Variants in MCM8 observed in about 807,000 individuals in gnomAD.
MCM8 encodes the protein minichromosome maintenance 8 homologous recombination repair factor, also known as DNA helicase MCM8.
In MCM8, 85 loss-of-function variants were observed where a neutral mutation model predicts 98.9. That is an observed-to-expected ratio of 0.86 (90% CI 0.72 to 1.03). MCM8 has a LOEUF of 1.03. Among genes scored for constraint, MCM8 ranks in the 50% least tolerant of loss-of-function variants. The pLI, the probability that MCM8 is intolerant of heterozygous loss-of-function variation, is 0.00. For synonymous variants in MCM8, 352 were observed against 338.6 expected, an observed-to-expected ratio of 1.04 and a Z score of -0.44; for missense variants, 951 against 997.8, an observed-to-expected ratio of 0.95 and a Z score of 0.63.
At position 5,995,316 on chromosome 20, in the gene MCM8, T is replaced by C. The variant is rs2089941260; in HGVS notation, c.*925T>C. On this transcript the variant is annotated 3_prime_UTR_variant, in exon 19 of 19. Coordinates refer to ENST00000610722, the MANE Select transcript of MCM8 (RefSeq NM_032485.6). ...GAGAAGTTTTTTGAAAGAATTTTGT[T>C]TGGCTCACGGAATTATTAGAAGGCA... The C allele has an allele frequency of 6.6e-6, 1 of 152,268 alleles. No homozygotes were observed. The highest frequency in any genetic ancestry group is 1.5e-5 in the Non-Finnish European group (1 of 68,066). 9.4% of individuals were successfully genotyped at this position (152,268 alleles called of 1,614,324 possible). A position where few individuals can be genotyped will look rare whatever the true frequency, so the allele number is the denominator to read the frequency against.
intron 12 of MCM8, among the ~76,000 whole-genome samples, 175 bp downstream of exon 12, chr20:5,973,371 A>G (rs1279897129): frequency 6.6e-6 from 1 of 152,246 alleles, no homozygotes; most frequent in Non-Finnish European, 1.5e-5. Flanking sequence ...ATATTTTTAA[A>G]TTGAGCCAGT....
chr20:5,951,553 A>G (rs1300890873), intron 1 of MCM8, among the ~76,000 whole-genome samples: 2 of 152,222 alleles, frequency 1.3e-5, no homozygotes, highest in Non-Finnish European at 2.9e-5. Context: ...AATGGATGTG[A>G]CACTGCAGGA....
At chr20:5,983,923 A>T (rs1387469091) in intron 14 of MCM8, among the ~76,000 whole-genome samples, 2 of 152,216 alleles carry the variant, frequency 1.3e-5, no homozygotes, top group African/African-American at 4.8e-5. Context: ...CCTTAAAACT[A>T]TAATAAGACT....
intron 3 of MCM8, among the ~76,000 whole-genome samples, 165 bp from the exon 4 acceptor site, chr20:5,954,443 G>A (rs16991587): frequency 0.024 from 3,669 of 152,228 alleles, 127 homozygotes; most frequent in African/African-American, 0.077. Context: ...ATTTGTTTTA[G>A]AATCTTAAGT....
Position 5,950,682 on chromosome 20 carries a change from C to T in MCM8, c.-347C>T, listed in dbSNP as rs1480531062. 2 of 367,736 alleles carry T rather than the reference C, an allele frequency of 5.4e-6. No individual in the cohort carries two copies. The highest frequency in any genetic ancestry group is 9.9e-6 in the Non-Finnish European group (2 of 202,372). 22.8% of individuals were successfully genotyped at this position (367,736 alleles called of 1,614,324 possible). ...AGCGGAAGTTGGATCACTGAAGCGC[C>T]AAAAAAGAATTTAGGGGAAGACCTG... On this transcript the variant is annotated 5_prime_UTR_variant, in exon 1 of 19. Coordinates refer to ENST00000610722, the MANE Select transcript of MCM8 (RefSeq NM_032485.6).
At chr20:5,960,460 A>T (rs1041568234) in intron 7 of MCM8, among the ~76,000 whole-genome samples, 3 of 151,948 alleles carry the variant, frequency 2.0e-5, no homozygotes, top group Non-Finnish European at 4.4e-5. Context: ...TAGTTTATTG[A>T]TAGGAGTTCT....
Position 5,995,065 on chromosome 20 carries a change from G to A in MCM8, c.*674G>A, listed in dbSNP as rs2089937852. On this transcript the variant is annotated 3_prime_UTR_variant, in exon 19 of 19. Transcript: ENST00000610722. ...TATTTCATAGTTTTGCATATCAGAT[G>A]TAGGCATACAGACAAATACATAAAC... is the stretch of plus-strand genomic sequence containing the variant. The A allele has an allele frequency of 6.2e-6, 1 of 160,430 alleles. No individual in the cohort carries two copies. 9.9% of individuals were successfully genotyped at this position (160,430 alleles called of 1,614,324 possible). A position where few individuals can be genotyped will look rare whatever the true frequency, so the allele number is the denominator to read the frequency against.
At chr20:5,962,159 A>G (rs1248191788) in intron 7 of MCM8, among the ~76,000 whole-genome samples, 1 of 152,132 alleles carries the variant, frequency 6.6e-6, no homozygotes, top group Non-Finnish European at 1.5e-5. Context: ...ACAGTATAGC[A>G]GCTCAGGCAC....
intron 12 of MCM8, among the ~76,000 whole-genome samples, chr20:5,975,161 C>T (rs1188814134): frequency 6.6e-6 from 1 of 151,866 alleles, no homozygotes; most frequent in Non-Finnish European, 1.5e-5. Context: ...CCGGAGGCTG[C>T]AGCAGGATGA....
At position 5,986,110 on chromosome 20, in the gene MCM8, A is replaced by G; in HGVS notation, c.2142A>G (p.Glu714=). The part of the protein sequence containing the change: ...NSSPITTRQL[E]SLIRLTEARA... Reference sequence around the variant, plus strand: ...CACCAATCACTACCAGGCAGCTGGAATCTTTGATTCGTCTGACAGAGGTTT... The same window carrying G: ...CACCAATCACTACCAGGCAGCTGGAGTCTTTGATTCGTCTGACAGAGGTTT... Residue 714 remains glutamate, a synonymous_variant, in exon 16 of 19, where the codon GAA becomes GAG. Transcript: ENST00000610722. The G allele has an allele frequency of 6.2e-6, 10 of 1,614,176 alleles. No homozygotes were observed. The highest frequency in any genetic ancestry group is 8.5e-6 in the Non-Finnish European group (10 of 1,180,026).
Position 5,993,568 on chromosome 20 carries a change from C to G in MCM8, c.2303C>G (p.Ser768Cys). ...GATTTTGAGCGATCCCAGCATGGTT[C>G]TGGAATGAGCAACAGGTCAACAGCG... is the stretch of plus-strand genomic sequence containing the variant. ...NLDFERSQHG[S>C]GMSNRSTAKR... Residue 768 changes from serine to cysteine, a missense_variant, in exon 18 of 19, where the codon TCT becomes TGT. Ser to Cys is a moderately radical substitution (Grantham distance 112, BLOSUM62 -1). Coordinates refer to ENST00000610722, the MANE Select transcript of MCM8 (RefSeq NM_032485.6). The G allele has an allele frequency of 1.2e-6, 2 of 1,611,636 alleles. No individual in the cohort carries two copies. The highest frequency in any genetic ancestry group is 2.2e-5 in the South Asian group (2 of 90,748).
chr20:5,988,837 G>A (rs780317549), intron 17 of MCM8, among the ~76,000 whole-genome samples: 3 of 152,156 alleles, frequency 2.0e-5, no homozygotes, highest in South Asian at 2.1e-4. Flanking sequence ...TGAGGTTTGC[G>A]TGGTGTCAGA....
intron 13 of MCM8, among the ~76,000 whole-genome samples, chr20:5,980,865 C>T (rs1474638609): frequency 7.3e-6 from 1 of 136,064 alleles, no homozygotes; most frequent in Non-Finnish European, 1.5e-5. Context: ...GAACGAAACT[C>T]TGTCTCTCAA....
At chr20:5,977,508 T>C (rs75423067) in intron 12 of MCM8, among the ~76,000 whole-genome samples, 2,793 of 152,356 alleles carry the variant, frequency 0.018, 79 homozygotes, top group African/African-American at 0.063. Flanking sequence ...TAAAGAAGCA[T>C]TGGAACCTTC....
rs544844694 is a variant in MCM8, at chr20:5,967,549, C to G, written c.989C>G (p.Thr330Ser). ...VDSCVPGDTV[T>S]ITGIVKVSNA... ...AGCTGTGTCCCGGGAGACACAGTGACTATTACTGGAATTGTCAAAGTCTCA... is the reference window on the plus strand; with the variant it reads ...AGCTGTGTCCCGGGAGACACAGTGAGTATTACTGGAATTGTCAAAGTCTCA... Residue 330 changes from threonine (T) to serine (S), a missense_variant, in exon 9 of 19, where the codon ACT becomes AGT. By Grantham distance (58) the Thr-to-Ser change is moderately conservative. Transcript: ENST00000610722. 1 of 1,613,568 alleles carries G rather than the reference C, an allele frequency of 6.2e-7. No individual in the cohort carries two copies. The highest frequency in any genetic ancestry group is 2.2e-5 in the East Asian group (1 of 44,848).
rs2089319252 is a variant in MCM8 at position 5,968,136 on chromosome 20, C to T, written c.1223+111C>T. ...TGGTCGGCAAACTACAGTCCATGTA[C>T]CAAATACAGTACTCCATCCCCTTGA... On this transcript the variant is annotated intron_variant, in intron 10 of 18. Coordinates refer to ENST00000610722, the MANE Select transcript of MCM8 (RefSeq NM_032485.6). 1.3e-5 allele frequency: 10 copies of T among 771,506 alleles called. No homozygotes were observed. The East Asian group carries it at 2.5e-4, about 20-fold the overall frequency. 47.8% of individuals were successfully genotyped at this position (771,506 alleles called of 1,614,324 possible).
At chr20:5,968,225 AT>A (rs1248795043) in intron 10 of MCM8, among the ~76,000 whole-genome samples, 200 bp downstream of exon 10, 1 of 152,234 alleles carries the variant, frequency 6.6e-6, no homozygotes, top group African/African-American at 2.4e-5. Context: ...TTAAAAGAAT[AT>A]TTCACAACAC....
At chr20:5,981,511 C>G (rs2089629800) in intron 13 of MCM8, among the ~76,000 whole-genome samples, 1 of 152,028 alleles carries the variant, frequency 6.6e-6, no homozygotes, top group South Asian at 2.1e-4. Context: ...CCTTGCTTCC[C>G]CCTCCTAAAT....
At chr20:5,955,021 A>G (rs1457213480) in intron 4 of MCM8, 81 bp from the exon 5 acceptor site, 1 of 971,420 alleles carries the variant, frequency 1.0e-6, no homozygotes, top group Non-Finnish European at 1.5e-6. Context: ...ATGCTTTCTC[A>G]AAGTCTATAA....
Sources: gnomAD v4.1 joint callset for allele counts (sites outside exome capture counted in the v4.1 genomes callset) on GRCh38, gnomAD v4.1.1 for gene constraint, MANE v1.5 for transcripts, NCBI Gene and HGNC (gene_info 2026-07-23, HGNC 2026-07-21) for gene names.